AKAIN1: variants seen among roughly 807,000 people sequenced by gnomAD.
AKAIN1 encodes A-kinase anchor protein inhibitor 1.
In AKAIN1, 3 loss-of-function variants were observed where a neutral mutation model predicts 3.7. The observed-to-expected ratio is 0.82, with a 90% confidence interval of 0.37 to 2.12. The LOEUF (loss-of-function observed/expected upper bound fraction) is 2.12. Among genes scored for constraint, AKAIN1 ranks in the 30% most tolerant of loss-of-function variants. The probability of loss-of-function intolerance (pLI) is 0.06; values close to 1 mark genes in which losing one functional copy is unlikely to be tolerated. For missense variants in AKAIN1, 82 were observed against 82.7 expected (o/e 0.99, Z 0.03); for synonymous variants, 31 against 30.8 (o/e 1.01, Z -0.02).
chr18:5,158,764 C>CT (rs140317883), intron 1 of AKAIN1, among the ~76,000 whole-genome samples: 4,222 of 152,304 alleles, frequency 0.028, 206 homozygotes, highest in East Asian at 0.21. Context: ...TGCCAACACT[C>CT]TGAGGCTCTG....
chr18:5,167,903 C>A (rs369696180), intron 1 of AKAIN1, among the ~76,000 whole-genome samples: 6 of 152,076 alleles, frequency 3.9e-5, no homozygotes, highest in East Asian at 3.8e-4. Flanking sequence ...CTGTTCCTGA[C>A]ACAGATGAAC....
intron 1 of AKAIN1, chr18:5,159,195 T>C (rs2071125295): frequency 6.6e-6 from 1 of 152,004 alleles, no homozygotes; most frequent in Non-Finnish European, 1.5e-5. Context: ...TCCAGTGATA[T>C]TTCAGAAGAA....
chr18:5,169,666 C>A (rs1429902626), intron 1 of AKAIN1, among the ~76,000 whole-genome samples: 1 of 152,138 alleles, frequency 6.6e-6, no homozygotes, highest in African/African-American at 2.4e-5. Flanking sequence ...CCTCTGAGGT[C>A]TCTCTTAGTT....
chr18:5,172,728 T>A (rs2071204896), intron 1 of AKAIN1, among the ~76,000 whole-genome samples: 1 of 151,792 alleles, frequency 6.6e-6, no homozygotes, highest in African/African-American at 2.4e-5. Context: ...ATATAAAAAA[T>A]TGAAATTTTA....
At chr18:5,172,163 A>G (rs1351772574) in intron 1 of AKAIN1, among the ~76,000 whole-genome samples, 1 of 152,192 alleles carries the variant, frequency 6.6e-6, no homozygotes, top group African/African-American at 2.4e-5. Flanking sequence ...TCTTGGAGAC[A>G]GAGAGTAGAA....
intron 1 of AKAIN1, among the ~76,000 whole-genome samples, chr18:5,188,793 C>T (rs1352011808): frequency 1.3e-5 from 2 of 152,076 alleles, no homozygotes; most frequent in Non-Finnish European, 2.9e-5. Context: ...ACTCCCCTAC[C>T]CAATATAAAC....
intron 1 of AKAIN1, among the ~76,000 whole-genome samples, chr18:5,196,328 G>A (rs1202988940): frequency 1.3e-5 from 2 of 152,224 alleles, no homozygotes; most frequent in Non-Finnish European, 2.9e-5. Context: ...GGACTCAAAT[G>A]CGCACGCACG....
In AKAIN1 at chr18:5,197,204, G is replaced by T; in HGVS notation, c.-151C>A. 7.0e-7 allele frequency: 1 copy of T among 1,422,644 alleles called. No homozygotes were observed. The highest frequency in any genetic ancestry group is 9.1e-7 in the Non-Finnish European group (1 of 1,096,334). 88.1% of individuals were successfully genotyped at this position (1,422,644 alleles called of 1,614,324 possible). On this transcript the variant is annotated 5_prime_UTR_variant, in exon 1 of 2. Coordinates refer to ENST00000434239, the MANE Select transcript of AKAIN1 (RefSeq NM_001145194.2). This position sits in a 1 kb window ranked among gnomAD's most constrained non-coding sequence, Gnocchi z 6.9. ...GTCAGCACCCCGGACAGCTCCCGCC[G>T]CTAGATCCTGGGGCCGCAGCTCCAG...
Position 5,145,005 on chromosome 18 carries a change from T to C in AKAIN1, c.*557A>G, listed in dbSNP as rs2071040250. Among the ~76,000 whole-genome samples, 1 of 152,206 alleles carries C rather than the reference T, an allele frequency of 6.6e-6. No individual in the cohort carries two copies. Among genetic ancestry groups the C allele is most frequent in the Non-Finnish European group, 1.5e-5 (1 of 68,030 alleles). ...CCCTTTCTTAAAATAACATAAATAT[T>C]AGTAAATGCCTTGGTATGGTCCCGA... On this transcript the variant is annotated 3_prime_UTR_variant, in exon 2 of 2. Transcript: ENST00000434239.
chr18:5,182,595 T>C (rs558283307), intron 1 of AKAIN1, among the ~76,000 whole-genome samples: 2 of 152,242 alleles, frequency 1.3e-5, no homozygotes, highest in South Asian at 4.1e-4. Context: ...ATATTTGAAT[T>C]GCTATGGAAT....
At chr18:5,168,879 AGC>A (rs368271416) in intron 1 of AKAIN1, among the ~76,000 whole-genome samples, 12 of 138,792 alleles carry the variant, frequency 8.6e-5, no homozygotes, top group African/African-American at 3.6e-4. Flanking sequence ...AAAAAAAAAA[AGC>A]AAACAAACAA....
rs1193696496 is a variant in AKAIN1 at position 5,196,585 on chromosome 18, TCTC to T, written c.16+450_16+452del. Among the ~76,000 whole-genome samples the T allele has an allele frequency of 7.9e-5, 12 of 152,262 alleles. No homozygotes were observed. The East Asian group carries it at 2.1e-3, about 27-fold the overall frequency. ...CTTGGCTTCGCCCACTTCGCCTCCT[TCTC>T]CTCGGGAGGCCAGGAGGACCCGGGT... On this transcript the variant is annotated intron_variant, in intron 1 of 1. Transcript: ENST00000434239.
intron 1 of AKAIN1, among the ~76,000 whole-genome samples, chr18:5,176,049 A>C (rs2071224356): frequency 6.6e-6 from 1 of 152,120 alleles, no homozygotes; most frequent in Admixed American, 6.5e-5. Flanking sequence ...GTCCCCAGAC[A>C]TTGCCAAATG....
chr18:5,160,785 C>A (rs774535884), intron 1 of AKAIN1, among the ~76,000 whole-genome samples: 1 of 152,104 alleles, frequency 6.6e-6, no homozygotes, highest in Non-Finnish European at 1.5e-5. Flanking sequence ...TAGTGAATTG[C>A]CACAGAATTG....
At chr18:5,180,755 C>T (rs2071253245) in intron 1 of AKAIN1, among the ~76,000 whole-genome samples, 1 of 151,812 alleles carries the variant, frequency 6.6e-6, no homozygotes, top group African/African-American at 2.4e-5. Context: ...CTTTTTTATT[C>T]CCCCCAAAAT....
intron 1 of AKAIN1, among the ~76,000 whole-genome samples, chr18:5,171,634 A>G (rs141185641): frequency 0.011 from 1,608 of 152,300 alleles, 28 homozygotes; most frequent in African/African-American, 0.037. Context: ...CAAAACTACA[A>G]TGAAATATCA....
intron 1 of AKAIN1, among the ~76,000 whole-genome samples, chr18:5,181,428 A>C (rs945351462): frequency 6.6e-6 from 1 of 152,192 alleles, no homozygotes; most frequent in Non-Finnish European, 1.5e-5. Flanking sequence ...TGTTAAAGAA[A>C]GACAGTTCTA....
intron 1 of AKAIN1, among the ~76,000 whole-genome samples, chr18:5,179,258 T>C (rs972549457): frequency 6.6e-6 from 1 of 152,174 alleles, no homozygotes; most frequent in African/African-American, 2.4e-5. Flanking sequence ...TGTCCATGCA[T>C]ACACATTATT....
Position 5,197,186 on chromosome 18 carries a change from C to T in AKAIN1, c.-133G>A, listed in dbSNP as rs1346202164. On this transcript the variant is annotated 5_prime_UTR_variant, in exon 1 of 2. In the 5' UTR this introduces an upstream ATG that the reference lacks. Transcript: ENST00000434239. The surrounding 1 kb of genome is among the most constrained non-coding windows in gnomAD (Gnocchi z 6.9). ...CGGGCGGCGGGCGGGGCGGTCAGCA[C>T]CCCGGACAGCTCCCGCCGCTAGATC... 4.8e-6 allele frequency: 7 copies of T among 1,469,118 alleles called. No individual in the cohort carries two copies. The highest frequency in any genetic ancestry group is 4.0e-5 in the South Asian group (3 of 74,576). 91.0% of individuals were successfully genotyped at this position (1,469,118 alleles called of 1,614,324 possible). A position where few individuals can be genotyped will look rare whatever the true frequency, so the allele number is the denominator to read the frequency against.
Sources: gnomAD v4.1 joint callset for allele counts (sites outside exome capture counted in the v4.1 genomes callset) on GRCh38, gnomAD v4.1.1 for gene constraint, Gnocchi (gnomAD v3.1) non-coding constraint, MANE v1.5 for transcripts, NCBI Gene and HGNC (gene_info 2026-07-23, HGNC 2026-07-21) for gene names.